Variants in PHACTR1 observed in about 807,000 individuals in gnomAD.
PHACTR1 encodes the protein phosphatase and actin regulator 1, also known as RPEL repeat containing 1.
In PHACTR1, 16 loss-of-function variants were observed where a neutral mutation model predicts 69.2. The observed-to-expected ratio is 0.23, with a 90% CI of 0.16 to 0.35. The LOEUF (loss-of-function observed/expected upper bound fraction) is 0.35. Among genes scored for constraint, PHACTR1 ranks in the 10% least tolerant of loss-of-function variants. The pLI is 1.00. For missense variants in PHACTR1, 510 were observed against 734.7 expected (o/e 0.69, Z 3.54); for synonymous variants, 312 against 284.5 (o/e 1.10, Z -0.97).
intron 4 of PHACTR1, among the ~76,000 whole-genome samples, chr6:13,042,997 A>G (rs1804425775): frequency 6.6e-6 from 1 of 152,226 alleles, no homozygotes; most frequent in Non-Finnish European, 1.5e-5. Context: ...TAAGGAAAAT[A>G]TTCAGGGTTA....
intron 6 of PHACTR1, among the ~76,000 whole-genome samples, chr6:13,161,092 G>A (rs1758925348): frequency 6.6e-6 from 1 of 151,868 alleles, no homozygotes; most frequent in Non-Finnish European, 1.5e-5. Context: ...GGATCCTCTC[G>A]CCTCAGCCTC....
chr6:13,040,597 G>C lies in PHACTR1; in HGVS notation c.251-12768G>C, dbSNP rs890080298. On this transcript the variant is annotated intron_variant, in intron 4 of 14. Transcript: ENST00000332995. The stretch of plus-strand genomic sequence containing the variant: ...GAGTCTTATTGGATAGTCATTAGCT[G>C]CTCTTTCACTTACCCTCCAGCTGAG... Among the ~76,000 whole-genome samples, 3 of 152,078 alleles carry C rather than the reference G, an allele frequency of 2.0e-5. No individual in the cohort carries two copies. In the South Asian group the frequency reaches 6.2e-4, roughly 31 times the overall value.
chr6:12,846,816 A>C (rs1285547265), intron 4 of PHACTR1, among the ~76,000 whole-genome samples: 1 of 139,522 alleles, frequency 7.2e-6, no homozygotes, highest in East Asian at 2.1e-4. Context: ...TTTTATTTTT[A>C]TTTTTATTGA....
chr6:12,834,356 C>T (rs919918247), intron 4 of PHACTR1, among the ~76,000 whole-genome samples: 1 of 152,124 alleles, frequency 6.6e-6, no homozygotes, highest in African/African-American at 2.4e-5. Context: ...ATGTCTCAAC[C>T]TTCTTCCCTG....
rs564578737 is a variant in PHACTR1 at position 12,829,615 on chromosome 6, G to A, written c.250+79825G>A. Among the ~76,000 whole-genome samples the A allele has an allele frequency of 2.6e-5, 4 of 152,066 alleles. No individual in the cohort carries two copies. The South Asian group carries it at 8.3e-4, about 32-fold the overall frequency. ...ATAGCCCAGAAGAGATCTTAAATTA[G>A]GCTCCAATTTTATGAGTGGAGTGGG... On this transcript the variant is annotated intron_variant, in intron 4 of 14. Transcript: ENST00000332995.
rs2127486497 is a variant in PHACTR1 at position 13,283,293 on chromosome 6, TCA to T, written c.1510-127_1510-126del. 1 of 345,158 alleles carries T rather than the reference TCA, an allele frequency of 2.9e-6. No individual in the cohort carries two copies. Among genetic ancestry groups the T allele is most frequent in the Non-Finnish European group, 5.3e-6 (1 of 188,756 alleles). The allele number at this position is 345,158 out of a possible 1,614,324, so 21.4% of individuals were successfully genotyped here. On this transcript the variant is annotated intron_variant, in intron 12 of 14. Coordinates refer to ENST00000332995, the MANE Select transcript of PHACTR1 (RefSeq NM_030948.6). This position sits in a 1 kb window ranked among gnomAD's most constrained non-coding sequence, Gnocchi z 4.7. Reference sequence around the variant, plus strand: ...CTGGCCCTCCCCCTGCCCCTGCCCCTCACTCACTATGCGATGCATCCATCGCC... The same window carrying T: ...CTGGCCCTCCCCCTGCCCCTGCCCCTCTCACTATGCGATGCATCCATCGCC...
At chr6:12,811,149 T>C (rs530339725) in intron 4 of PHACTR1, among the ~76,000 whole-genome samples, 1 of 152,322 alleles carries the variant, frequency 6.6e-6, no homozygotes, top group African/African-American at 2.4e-5. Flanking sequence ...CTCCGTTGGC[T>C]TGTTTTATTA....
intron 6 of PHACTR1, among the ~76,000 whole-genome samples, chr6:13,171,424 C>T (rs1297084914): frequency 6.6e-6 from 1 of 152,204 alleles, no homozygotes; most frequent in African/African-American, 2.4e-5. Context: ...ATTTTAACCT[C>T]TCTGTTCCAG....
chr6:12,829,242 T>C (rs570374053), intron 4 of PHACTR1, among the ~76,000 whole-genome samples: 2 of 152,248 alleles, frequency 1.3e-5, no homozygotes, highest in African/African-American at 4.8e-5. Context: ...ACGAGTGGGA[T>C]TTCTGTAAAG....
At chr6:12,813,856 A>G (rs1365615371) in intron 4 of PHACTR1, among the ~76,000 whole-genome samples, 1 of 152,224 alleles carries the variant, frequency 6.6e-6, no homozygotes, top group Non-Finnish European at 1.5e-5. Flanking sequence ...CAGCATCAGC[A>G]TCCTTGCGGA....
At chr6:12,720,401 C>T (rs947714609) in intron 3 of PHACTR1, among the ~76,000 whole-genome samples, 1 of 152,126 alleles carries the variant, frequency 6.6e-6, no homozygotes, top group Non-Finnish European at 1.5e-5. Context: ...TTAAGAAGAC[C>T]GTGGGCTCCA....
chr6:12,805,518 A>G (rs1774201630), intron 4 of PHACTR1, among the ~76,000 whole-genome samples: 1 of 152,046 alleles, frequency 6.6e-6, no homozygotes, highest in South Asian at 2.1e-4. Context: ...TGGAATGGCT[A>G]TTCTCTGAAA....
intron 3 of PHACTR1, among the ~76,000 whole-genome samples, chr6:12,744,236 C>G (rs1056788252): frequency 1.2e-4 from 18 of 152,330 alleles, no homozygotes; most frequent in Middle Eastern, 3.4e-3. Context: ...AAGGGAACCA[C>G]GCCATTCCCA....
intron 4 of PHACTR1, among the ~76,000 whole-genome samples, chr6:12,846,413 T>G (rs1215741255): frequency 2.6e-5 from 4 of 152,220 alleles, no homozygotes; most frequent in African/African-American, 7.2e-5. Context: ...GGTCTCTGTG[T>G]TCTAATAAAC....
intron 4 of PHACTR1, among the ~76,000 whole-genome samples, chr6:12,873,193 C>A (rs1231126791): frequency 6.6e-6 from 1 of 151,516 alleles, no homozygotes; most frequent in Non-Finnish European, 1.5e-5. Context: ...TTAAAAAATT[C>A]TTTTGTAGAG....
chr6:13,169,702 G>C (rs1760316599), intron 6 of PHACTR1, among the ~76,000 whole-genome samples: 1 of 152,136 alleles, frequency 6.6e-6, no homozygotes, highest in Non-Finnish European at 1.5e-5. Flanking sequence ...AAAAAGATCA[G>C]GAATAAAAGT....
At chr6:12,962,256 T>C (rs1792845868) in intron 4 of PHACTR1, among the ~76,000 whole-genome samples, 1 of 152,150 alleles carries the variant, frequency 6.6e-6, no homozygotes, top group Non-Finnish European at 1.5e-5. Context: ...ACCAGTCATA[T>C]TGGATTATCC....
At chr6:13,226,951 T>C (rs1393267558) in intron 8 of PHACTR1, among the ~76,000 whole-genome samples, 1 of 152,148 alleles carries the variant, frequency 6.6e-6, no homozygotes, top group Non-Finnish European at 1.5e-5. Context: ...TTGGCCAGGA[T>C]GGTCTCGATC....
At chr6:12,902,330 G>A (rs996580283) in intron 4 of PHACTR1, among the ~76,000 whole-genome samples, 1 of 152,158 alleles carries the variant, frequency 6.6e-6, no homozygotes, top group Non-Finnish European at 1.5e-5. Context: ...GGCTGAGACA[G>A]GAGAGTCACT....
Sources: allele counts gnomAD v4.1 joint callset (sites outside exome capture counted in the v4.1 genomes callset), GRCh38; gene constraint gnomAD v4.1.1; non-coding constraint Gnocchi (gnomAD v3.1); transcripts MANE v1.5; gene names NCBI Gene and HGNC (gene_info 2026-07-23, HGNC 2026-07-21).